Variants in PXDNL observed in about 807,000 individuals in gnomAD.
PXDNL encodes probable oxidoreductase PXDNL.
PXDNL carries 145 observed loss-of-function variants against 150.8 expected under a neutral mutation model. That is an observed-to-expected ratio of 0.96 (90% CI 0.84 to 1.10). The LOEUF is 1.10. PXDNL is among the 50% of genes least tolerant of loss of function. The pLI is 0.00. For synonymous variants in PXDNL, 757 were observed against 725.7 expected (o/e 1.04, Z -0.69); for missense variants, 2,087 against 1,873.9 (o/e 1.11, Z -2.10).
At chr8:51,603,652 C>T (rs1330545107) in intron 2 of PXDNL, among the ~76,000 whole-genome samples, 1 of 151,962 alleles carries the variant, frequency 6.6e-6, no homozygotes, top group African/African-American at 2.4e-5. Context: ...CTGTAATGAC[C>T]ATGATTTTTT....
chr8:51,467,041 G>A (rs924138125), intron 8 of PXDNL, among the ~76,000 whole-genome samples: 2 of 151,984 alleles, frequency 1.3e-5, no homozygotes, highest in African/African-American at 2.4e-5. Context: ...CCCATTACTG[G>A]ATACCCAAAG....
rs1006069707 is a variant in PXDNL at position 51,433,609 on chromosome 8, C to T, written c.1526-6851G>A. Among the ~76,000 whole-genome samples, 25 of 152,204 alleles carry T rather than the reference C, an allele frequency of 1.6e-4. No homozygotes were observed. In the South Asian group the frequency reaches 2.7e-3, roughly 16 times the overall value. ...CAGAATTCATCTGTAAATTTGCTGC[C>T]ACTTCTCCTTTCTTAGCTTTTATTT... is the stretch of plus-strand genomic sequence containing the variant. On this transcript the variant is annotated intron_variant, in intron 12 of 22. Transcript: ENST00000356297.
chr8:51,347,376 C>T (rs755312198), intron 19 of PXDNL, among the ~76,000 whole-genome samples: 4 of 152,044 alleles, frequency 2.6e-5, no homozygotes, highest in Non-Finnish European at 4.4e-5. Context: ...TAATGCTAGA[C>T]AAAATAAGAG....
chr8:51,478,249 A>C lies in PXDNL; in HGVS notation c.525-3108T>G, dbSNP rs114708374. On this transcript the variant is annotated intron_variant, in intron 6 of 22. Coordinates refer to ENST00000356297, the MANE Select transcript of PXDNL (RefSeq NM_144651.5). ...ATACACTATGTTTAAAATCATTATC[A>C]TTTTACTGTTCTCCATTTTGAAAGT... is the stretch of plus-strand genomic sequence containing the variant. Among the ~76,000 whole-genome samples, 543 of 152,262 alleles carry C rather than the reference A, an allele frequency of 3.6e-3. 4 individuals are homozygous for C. The highest frequency in any genetic ancestry group is 0.012 in the African/African-American group (512 of 41,546).
At chr8:51,715,014 C>G (rs1304499932) in intron 1 of PXDNL, among the ~76,000 whole-genome samples, 3 of 152,180 alleles carry the variant, frequency 2.0e-5, no homozygotes, top group Non-Finnish European at 1.5e-5. Flanking sequence ...ATGAGAGCAG[C>G]ATTAGTTGCC....
intron 1 of PXDNL, among the ~76,000 whole-genome samples, chr8:51,669,332 G>GA (rs1340632062): frequency 6.6e-6 from 1 of 152,084 alleles, no homozygotes; most frequent in Non-Finnish European, 1.5e-5. Flanking sequence ...TAACTAAAAA[G>GA]AAAAAACTTC....
At chr8:51,721,791 G>T in intron 1 of PXDNL, 1 of 356,260 alleles carries the variant, frequency 2.8e-6, no homozygotes, top group Non-Finnish European at 5.5e-6. Flanking sequence ...ATAGTTTGGT[G>T]GAGCTCCAGC....
intron 17 of PXDNL, among the ~76,000 whole-genome samples, chr8:51,376,642 A>G (rs1397740584): frequency 6.6e-6 from 1 of 152,006 alleles, no homozygotes; most frequent in Non-Finnish European, 1.5e-5. Flanking sequence ...ACTACAGGGA[A>G]GTGCAGTCTT....
At chr8:51,709,693 C>T (rs192818127) in intron 1 of PXDNL, among the ~76,000 whole-genome samples, 1 of 152,264 alleles carries the variant, frequency 6.6e-6, no homozygotes, top group Admixed American at 6.5e-5. Flanking sequence ...AATTATGGTA[C>T]ATGAACATGG....
At chr8:51,789,276 T>C (rs950539611) in intron 1 of PXDNL, among the ~76,000 whole-genome samples, 2 of 152,056 alleles carry the variant, frequency 1.3e-5, no homozygotes, top group Non-Finnish European at 2.9e-5. Context: ...TTGATTGATA[T>C]ATATAAGAAT....
intron 2 of PXDNL, among the ~76,000 whole-genome samples, chr8:51,623,761 A>T (rs1253369601): frequency 6.6e-6 from 1 of 152,106 alleles, no homozygotes; most frequent in East Asian, 1.9e-4. Context: ...GGGATGCCAT[A>T]AAGTTTGTTT....
At chr8:51,572,108 G>T (rs190122695) in intron 3 of PXDNL, among the ~76,000 whole-genome samples, 19 of 151,566 alleles carry the variant, frequency 1.3e-4, no homozygotes, top group Non-Finnish European at 1.0e-4. Flanking sequence ...ATTTATAATG[G>T]GTTTATCAGG....
intron 8 of PXDNL, among the ~76,000 whole-genome samples, chr8:51,459,933 G>C (rs180847162): frequency 2.4e-4 from 37 of 152,220 alleles, no homozygotes; most frequent in Non-Finnish European, 4.6e-4. Flanking sequence ...TGACAAACAA[G>C]TTATCACCAC....
intron 2 of PXDNL, among the ~76,000 whole-genome samples, chr8:51,603,277 C>A (rs561359738): frequency 1.3e-5 from 2 of 151,580 alleles, no homozygotes; most frequent in Admixed American, 6.6e-5. Flanking sequence ...TAGGAACATC[C>A]GTCAAGCTTC....
chr8:51,438,924 C>A (rs543753176), intron 12 of PXDNL, among the ~76,000 whole-genome samples: 1 of 152,080 alleles, frequency 6.6e-6, no homozygotes, highest in Non-Finnish European at 1.5e-5. Flanking sequence ...AAAATCAACA[C>A]GAGATTGATC....
intron 2 of PXDNL, among the ~76,000 whole-genome samples, chr8:51,604,072 G>A (rs1232112491): frequency 6.6e-6 from 1 of 151,972 alleles, no homozygotes; most frequent in Admixed American, 6.6e-5. Context: ...AATAAAATTA[G>A]TTTGTTAAAT....
intron 17 of PXDNL, among the ~76,000 whole-genome samples, chr8:51,398,234 G>A (rs371486961): frequency 6.6e-6 from 1 of 152,310 alleles, no homozygotes. Flanking sequence ...ACTGCACAGG[G>A]CACTAGAATC....
chr8:51,493,330 GA>G (rs60217619), intron 5 of PXDNL, among the ~76,000 whole-genome samples: 54,905 of 151,784 alleles, frequency 0.36, 11,968 homozygotes, highest in African/African-American at 0.61. Context: ...CAAAGATGGG[GA>G]AAAAAACAGA....
intron 7 of PXDNL, among the ~76,000 whole-genome samples, 154 bp from the exon 8 acceptor site, chr8:51,472,458 G>A (rs1810367768): frequency 6.6e-6 from 1 of 152,188 alleles, no homozygotes; most frequent in Non-Finnish European, 1.5e-5. Context: ...TACCAGGTTA[G>A]AGATTAGACA....
Sources: gnomAD v4.1 joint callset for allele counts (sites outside exome capture counted in the v4.1 genomes callset) on GRCh38, gnomAD v4.1.1 for gene constraint, MANE v1.5 for transcripts, NCBI Gene and HGNC (gene_info 2026-07-23, HGNC 2026-07-21) for gene names.